The following CAPN14 variants were observed in gnomAD, a reference collection of about 807,000 sequenced individuals.
CAPN14 encodes calpain-14.
Under a neutral mutation model 101.3 loss-of-function variants are expected in CAPN14, and 94 were observed. The observed-to-expected ratio is 0.93, with a 90% CI of 0.79 to 1.10. The LOEUF is 1.10. CAPN14 is among the 50% of genes least tolerant of loss of function. CAPN14 has a pLI of 0.00. For synonymous variants in CAPN14, 338 were observed against 317.9 expected, an observed-to-expected ratio of 1.06 and a Z score of -0.67; for missense variants, 837 against 828.4, an observed-to-expected ratio of 1.01 and a Z score of -0.13.
chr2:31,174,490 C>T lies in CAPN14; in HGVS notation c.*191G>A, dbSNP rs142325312. 330 of 621,936 alleles carry T rather than the reference C, an allele frequency of 5.3e-4. 1 individual carries two copies. In the African/African-American group the frequency reaches 5.7e-3, roughly 11 times the overall value. 38.5% of individuals were successfully genotyped at this position (621,936 alleles called of 1,614,324 possible). On this transcript the variant is annotated 3_prime_UTR_variant, in exon 22 of 22. Coordinates refer to ENST00000403897, the MANE Select transcript of CAPN14 (RefSeq NM_001145122.2). The stretch of plus-strand genomic sequence containing the variant: ...AATCTGATGTAATCTTTACTTCCTC[C>T]CTTCCCTTTCTGCATGCTGGCCATG...
intron 1 of CAPN14, among the ~76,000 whole-genome samples, chr2:31,213,411 G>A (rs1242860121): frequency 1.3e-5 from 2 of 152,368 alleles, no homozygotes; most frequent in Non-Finnish European, 2.9e-5. Flanking sequence ...GGCTGCTTTC[G>A]CATTACAACA....
chr2:31,197,269 C>T lies in CAPN14; in HGVS notation c.855G>A (p.Trp285Ter). 2 of 1,551,218 alleles carry T rather than the reference C, an allele frequency of 1.3e-6. No homozygotes were observed. The highest frequency in any genetic ancestry group is 1.4e-5 in the African/African-American group (1 of 73,154). Reference sequence around the variant, plus strand: ...TTCACCTGTCACTCCAGTCTCCTTTCCATTCCACCTTTCCCCAGGGGTTCC... The same window carrying T: ...TTCACCTGTCACTCCAGTCTCCTTTTCATTCCACCTTTCCCCAGGGGTTCC... ...KLRNPWGKVE[W>*]KGDWSDSSSK... The change falls in exon 8 of 22, where the codon TGG (tryptophan) becomes TGA (stop). Residue 285 changes from tryptophan to a stop codon, truncating the protein, a stop_gained. Coordinates refer to ENST00000403897, the MANE Select transcript of CAPN14 (RefSeq NM_001145122.2). LOFTEE classifies it high-confidence loss of function.
At chr2:31,178,777 G>C (rs1361812522) in intron 17 of CAPN14, among the ~76,000 whole-genome samples, 198 bp from the exon 18 acceptor site, 13 of 152,018 alleles carry the variant, frequency 8.6e-5, no homozygotes, top group Admixed American at 7.2e-4. Context: ...GGAAAAAACA[G>C]AATGAGCCCA....
At position 31,230,693 on chromosome 2, in the gene CAPN14, A is replaced by G. The variant is rs892454883; in HGVS notation, c.-177+3098T>C. Among the ~76,000 whole-genome samples, 7 of 152,078 alleles carry G rather than the reference A, an allele frequency of 4.6e-5. No homozygotes were observed. The highest frequency in any genetic ancestry group is 7.2e-5 in the African/African-American group (3 of 41,410). The stretch of plus-strand genomic sequence containing the variant: ...TCTTGCCAAGTTTTTTTCTATTGGA[A>G]TGTTTGTCTTTGTTATCGATGCACA... On this transcript the variant is annotated intron_variant and NMD_transcript_variant, in intron 1 of 21. Transcript: ENST00000398824. The surrounding 1 kb of genome is among the most constrained non-coding windows in gnomAD (Gnocchi z 4.3).
At chr2:31,219,226 G>A (rs1239886676), upstream of CAPN14, among the ~76,000 whole-genome samples, 1 of 152,056 alleles carries the variant, frequency 6.6e-6, no homozygotes, top group Non-Finnish European at 1.5e-5. Context: ...TAAGGCCCAA[G>A]GGCCATTTCC....
chr2:31,189,698 C>A (rs112009653), intron 12 of CAPN14: 2 of 655,638 alleles, frequency 3.1e-6, no homozygotes, highest in Non-Finnish European at 5.6e-6. Flanking sequence ...GCTACATAAA[C>A]ACGTGTCATT....
intron 1 of CAPN14, among the ~76,000 whole-genome samples, chr2:31,207,629 T>C (rs1416739558): frequency 6.6e-6 from 1 of 152,088 alleles, no homozygotes; most frequent in East Asian, 1.9e-4. Flanking sequence ...TAGCTAGGCA[T>C]GGTGATGTAT....
At chr2:31,201,309 A>G (rs931118974) in intron 5 of CAPN14, among the ~76,000 whole-genome samples, 2 of 152,046 alleles carry the variant, frequency 1.3e-5, no homozygotes, top group Non-Finnish European at 2.9e-5. Flanking sequence ...GTCTGTAGGT[A>G]TGAAAAACTC....
upstream of CAPN14, among the ~76,000 whole-genome samples, chr2:31,221,191 C>T (rs899441319): frequency 6.6e-6 from 1 of 152,190 alleles, no homozygotes; most frequent in African/African-American, 2.4e-5. Flanking sequence ...GCTATTTTCT[C>T]AACAGAAGGG....
chr2:31,187,584 C>T (rs1239653298), intron 15 of CAPN14, among the ~76,000 whole-genome samples, 174 bp downstream of exon 15: 2 of 152,212 alleles, frequency 1.3e-5, no homozygotes, highest in Non-Finnish European at 2.9e-5. Context: ...TGGCTCCACT[C>T]ATTTGTCTAA....
In CAPN14 at chr2:31,189,520, C is replaced by T. The variant is rs1282509606; in HGVS notation, c.1288-42G>A. The T allele has an allele frequency of 4.0e-6, 6 of 1,504,944 alleles. No individual in the cohort carries two copies. The African/African-American group carries it at 6.9e-5, about 17-fold the overall frequency. The allele number at this position is 1,504,944 out of a possible 1,614,324, so 93.2% of individuals were successfully genotyped here. A position where few individuals can be genotyped will look rare whatever the true frequency, so the allele number is the denominator to read the frequency against. On this transcript the variant is annotated intron_variant, in intron 12 of 21. Transcript: ENST00000403897. ...GAAGAACAGCAAGGGAGGTGATGAC[C>T]CAGGGCTGTGGCCAGGCCTGAGGCC...
intron 1 of CAPN14, among the ~76,000 whole-genome samples, chr2:31,206,968 A>G (rs77844946): frequency 0.043 from 6,481 of 152,144 alleles, 152 homozygotes; most frequent in African/African-American, 0.056. Context: ...TGGGAGAGCG[A>G]GAAGGGTTAA....
intron 16 of CAPN14, among the ~76,000 whole-genome samples, chr2:31,184,592 A>G (rs4952053): frequency 0.33 from 50,736 of 152,040 alleles, 10,047 homozygotes; most frequent in African/African-American, 0.55. Flanking sequence ...GTCTCAAAGG[A>G]GATTTTCTGC....
upstream of CAPN14, among the ~76,000 whole-genome samples, chr2:31,221,741 G>T (rs575920417): frequency 2.0e-5 from 3 of 152,272 alleles, no homozygotes; most frequent in African/African-American, 7.2e-5. Flanking sequence ...TGTCATTGGG[G>T]TATAGTCGGA....
chr2:31,226,097 A>C (rs1683013932), intron 2 of CAPN14, among the ~76,000 whole-genome samples: 1 of 152,214 alleles, frequency 6.6e-6, no homozygotes, highest in African/African-American at 2.4e-5. Flanking sequence ...TTATCTAATA[A>C]TTTATAATAA....
Position 31,178,563 on chromosome 2 carries a change from G to C in CAPN14, c.1727C>G (p.Thr576Ser). The C allele has an allele frequency of 1.3e-6, 2 of 1,545,844 alleles. No individual in the cohort carries two copies. The change falls in exon 18 of 22, where the codon ACT becomes AGT. Residue 576 changes from threonine (T) to serine (S), a missense_variant. Physicochemically the swap from Thr to Ser is moderately conservative, Grantham distance 58. Coordinates refer to ENST00000403897, the MANE Select transcript of CAPN14 (RefSeq NM_001145122.2). Reference protein sequence around the residue: ...LALLDLNASGTMSIQEFRDLW... With the variant: ...LALLDLNASGSMSIQEFRDLW... The stretch of plus-strand genomic sequence containing the variant: ...GTCCCTGAATTCCTGGATGCTCATA[G>C]TACCTGATGCATTAAGCTGATTAAT...
chr2:31,232,802 A>G (rs562257549), intron 1 of CAPN14, among the ~76,000 whole-genome samples: 2 of 152,164 alleles, frequency 1.3e-5, no homozygotes, highest in Non-Finnish European at 2.9e-5. Flanking sequence ...AAGCAAAACC[A>G]TATCAACCCC....
upstream of CAPN14, among the ~76,000 whole-genome samples, chr2:31,222,452 C>T (rs778340565): frequency 1.3e-5 from 2 of 152,164 alleles, no homozygotes; most frequent in African/African-American, 2.4e-5. Context: ...GATGCTACTG[C>T]TTACTAGTTG....
intron 19 of CAPN14, 54 bp from the exon 20 acceptor site, chr2:31,177,196 C>G (rs1253131098): frequency 7.9e-7 from 1 of 1,266,358 alleles, no homozygotes; most frequent in East Asian, 2.6e-5. Context: ...ACCCAGCTCC[C>G]CTCCTGCTCA....
Sources: gnomAD v4.1 joint callset for allele counts (sites outside exome capture counted in the v4.1 genomes callset) on GRCh38, gnomAD v4.1.1 for gene constraint, Gnocchi (gnomAD v3.1) non-coding constraint, MANE v1.5 for transcripts, NCBI Gene and HGNC (gene_info 2026-07-23, HGNC 2026-07-21) for gene names.